Variants in LYPD6B observed in about 807,000 individuals in gnomAD.
The protein encoded by LYPD6B is LY6/PLAUR domain containing 6B.
A neutral mutation model predicts 22.8 loss-of-function variants in LYPD6B; 17 were observed. That is an observed-to-expected ratio of 0.75 (90% CI 0.51 to 1.12). The LOEUF is 1.12. Among genes scored for constraint, LYPD6B ranks in the 50% most tolerant of loss-of-function variants. The probability of loss-of-function intolerance (pLI) is 0.00; values close to 1 mark genes in which losing one functional copy is unlikely to be tolerated. For synonymous variants in LYPD6B, 106 were observed against 91.6 expected (o/e 1.16, Z -0.90); for missense variants, 221 against 258.3 (o/e 0.86, Z 0.99).
At chr2:149,208,285 A>G (rs1321291378) in intron 4 of LYPD6B, 29 bp from the exon 5 acceptor site, 2 of 1,568,256 alleles carry the variant, frequency 1.3e-6, no homozygotes, top group Admixed American at 3.3e-5. Context: ...TCTGTAGCTT[A>G]CTGTTTCACT....
chr2:149,120,359 G>A (rs1228527637), intron 1 of LYPD6B, among the ~76,000 whole-genome samples: 1 of 50,542 alleles, frequency 2.0e-5, no homozygotes, highest in Non-Finnish European at 3.1e-5. Flanking sequence ...ATGTGTGTGT[G>A]TGTATATATA....
chr2:149,199,368 T>C (rs1693015997), intron 3 of LYPD6B, among the ~76,000 whole-genome samples: 1 of 152,176 alleles, frequency 6.6e-6, no homozygotes, highest in Admixed American at 6.5e-5. Context: ...CTCTCAAAGA[T>C]GATTGTATTA....
chr2:149,082,497 C>T (rs902840805), intron 1 of LYPD6B, among the ~76,000 whole-genome samples: 14 of 152,142 alleles, frequency 9.2e-5, no homozygotes, highest in Non-Finnish European at 1.8e-4. Context: ...TTCTTCCCAC[C>T]CCCAGTACCA....
At chr2:149,101,955 A>C (rs1686232083) in intron 1 of LYPD6B, among the ~76,000 whole-genome samples, 1 of 152,110 alleles carries the variant, frequency 6.6e-6, no homozygotes, top group Non-Finnish European at 1.5e-5. Context: ...AAAGTAAAGT[A>C]CCCCTTTGTT....
At chr2:149,064,306 C>A (rs1333107667) in intron 1 of LYPD6B, among the ~76,000 whole-genome samples, 1 of 152,180 alleles carries the variant, frequency 6.6e-6, no homozygotes, top group African/African-American at 2.4e-5. Flanking sequence ...GTTATGGACA[C>A]TCCCTTGAAT....
chr2:149,105,621 A>T (rs1686434537), intron 1 of LYPD6B, among the ~76,000 whole-genome samples: 1 of 152,128 alleles, frequency 6.6e-6, no homozygotes, highest in South Asian at 2.1e-4. Context: ...TGGTATGTAG[A>T]AATACAGTTG....
intron 1 of LYPD6B, among the ~76,000 whole-genome samples, chr2:149,123,051 G>A (rs1300831435): frequency 2.0e-5 from 3 of 152,126 alleles, no homozygotes; most frequent in South Asian, 2.1e-4. Context: ...AAGAGCAAAT[G>A]CCCACACAGA....
intron 1 of LYPD6B, among the ~76,000 whole-genome samples, chr2:149,044,411 A>G (rs918045692): frequency 6.6e-6 from 1 of 152,020 alleles, no homozygotes; most frequent in Non-Finnish European, 1.5e-5. Flanking sequence ...TAGAAATAGA[A>G]TTTATTTTTG....
intron 1 of LYPD6B, among the ~76,000 whole-genome samples, chr2:149,042,501 A>G (rs763784317): frequency 4.6e-4 from 70 of 152,222 alleles, no homozygotes; most frequent in Non-Finnish European, 1.2e-4. Flanking sequence ...TCCTGTTTTC[A>G]GCAACAATAC....
chr2:149,149,409 T>C (rs1021223320), intron 2 of LYPD6B, among the ~76,000 whole-genome samples: 1 of 142,838 alleles, frequency 7.0e-6, no homozygotes, highest in Non-Finnish European at 1.6e-5. Flanking sequence ...CCTCCTGTAC[T>C]CAAATCCTAC....
chr2:149,083,902 C>T (rs1685255862), intron 1 of LYPD6B, among the ~76,000 whole-genome samples: 1 of 151,750 alleles, frequency 6.6e-6, no homozygotes, highest in Admixed American at 6.6e-5. Context: ...CGGTGAAACC[C>T]TGTGTCTACT....
At chr2:149,046,644 A>G (rs752326400) in intron 1 of LYPD6B, among the ~76,000 whole-genome samples, 11 of 151,854 alleles carry the variant, frequency 7.2e-5, no homozygotes, top group Non-Finnish European at 1.3e-4. Flanking sequence ...TATCTCCACT[A>G]TGGACTTCTT....
At chr2:149,070,610 AC>A (rs1684559876) in intron 1 of LYPD6B, among the ~76,000 whole-genome samples, 1 of 152,054 alleles carries the variant, frequency 6.6e-6, no homozygotes, top group East Asian at 1.9e-4. Context: ...GTTGTGAATG[AC>A]TCTTGTTGGC....
chr2:149,074,674 G>A lies in LYPD6B; in HGVS notation c.-67+35873G>A, dbSNP rs192325141. 1.8e-3 allele frequency among the ~76,000 whole-genome samples: 273 copies of A among 152,284 alleles called. 1 individual carries two copies. Among genetic ancestry groups the A allele is most frequent in the Non-Finnish European group, 3.0e-3 (204 of 68,032 alleles). ...TCTAGAAGGTAGCTAAATGAAGGGA[G>A]GTTCCCTCTTTGAAGAAAAATGTGA... is the stretch of plus-strand genomic sequence containing the variant. On this transcript the variant is annotated intron_variant, in intron 1 of 6. Transcript: ENST00000409642.
chr2:149,166,506 G>C (rs1425033807), intron 3 of LYPD6B, among the ~76,000 whole-genome samples: 3 of 152,098 alleles, frequency 2.0e-5, no homozygotes, highest in African/African-American at 4.8e-5. Context: ...GCGTCTCCAG[G>C]ATGGTCATAT....
intron 1 of LYPD6B, chr2:149,119,266 A>G (rs1175206081): frequency 3.3e-5 from 5 of 152,204 alleles, no homozygotes; most frequent in Admixed American, 2.0e-4. Flanking sequence ...AGACCAATAA[A>G]TGTTTTAGTT....
chr2:149,214,689 C>T lies in LYPD6B; in HGVS notation c.603C>T (p.Val201=), dbSNP rs1400099869. The T allele has an allele frequency of 6.2e-7, 1 of 1,614,022 alleles. No homozygotes were observed. The highest frequency in any genetic ancestry group is 1.1e-5 in the South Asian group (1 of 91,074). ...TCTACCTACCAGTGCTTGCCTGGGT[C>T]TTTGTGCTTCCATTGCTGTGATGCC... is the stretch of plus-strand genomic sequence containing the variant. ...PTLYLPVLAW[V]FVLPLL is the part of the protein sequence containing the mutation. Residue 201 remains valine (V), a synonymous_variant, in exon 7 of 7, where the codon GTC becomes GTT. Transcript: ENST00000409642.
chr2:149,093,270 T>TC (rs1685750871), intron 1 of LYPD6B, among the ~76,000 whole-genome samples: 1 of 152,046 alleles, frequency 6.6e-6, no homozygotes, highest in African/African-American at 2.4e-5. Context: ...GAGGCTAGTC[T>TC]CCAAGATTCA....
At chr2:149,144,452 C>T (rs998933760) in intron 2 of LYPD6B, among the ~76,000 whole-genome samples, 2 of 152,082 alleles carry the variant, frequency 1.3e-5, no homozygotes, top group African/African-American at 4.8e-5. Context: ...AATGCAGTGG[C>T]GTGATCTTGG....
Sources: gnomAD v4.1 joint callset for allele counts (sites outside exome capture counted in the v4.1 genomes callset) on GRCh38, gnomAD v4.1.1 for gene constraint, MANE v1.5 for transcripts, NCBI Gene and HGNC (gene_info 2026-07-23, HGNC 2026-07-21) for gene names.